The following MAP4K5 variants were observed in gnomAD, a reference collection of about 807,000 sequenced individuals.
MAP4K5 encodes MAPK/ERK kinase kinase kinase 5.
Under a neutral mutation model 135.6 loss-of-function variants are expected in MAP4K5, and 82 were observed. The observed-to-expected ratio is 0.60, with a 90% CI of 0.51 to 0.73. The LOEUF is 0.73. MAP4K5 is among the 30% of genes least tolerant of loss of function. The probability of loss-of-function intolerance (pLI) is 0.00; values close to 1 mark genes in which losing one functional copy is unlikely to be tolerated. For missense variants in MAP4K5, 907 were observed against 1,010.9 expected (o/e 0.90, Z 1.39); for synonymous variants, 347 against 335.0 (o/e 1.04, Z -0.39).
Position 50,420,088 on chromosome 14 carries a change from A to C in MAP4K5, c.2472T>G (p.Ser824Arg). ...GTGCAGTAGGATTTTCTGTTGGCCTACTTTCCAAAACGACAACCCTGTAAT... is the reference window on the plus strand; with the variant it reads ...GTGCAGTAGGATTTTCTGTTGGCCTCCTTTCCAAAACGACAACCCTGTAAT... The part of the protein sequence containing the change: ...LGSDRVVVLE[S>R]RPTENPTAHS... The change falls in exon 33 of 33, where the codon AGT becomes AGG. Residue 824 changes from serine to arginine, a missense_variant. By Grantham distance (110) the Ser-to-Arg change is moderately radical. This residue lies in a region of MAP4K5 where 690 missense variants were observed against 777.4 expected (regional missense o/e 0.89). Transcript: ENST00000682126. 1 of 1,608,920 alleles carries C rather than the reference A, an allele frequency of 6.2e-7. No homozygotes were observed. The highest frequency in any genetic ancestry group is 1.7e-5 in the Admixed American group (1 of 59,394).
At chr14:50,510,507 CA>C (rs1203678032) in intron 2 of MAP4K5, among the ~76,000 whole-genome samples, 1 of 152,146 alleles carries the variant, frequency 6.6e-6, no homozygotes, top group Non-Finnish European at 1.5e-5. Context: ...AGATGCTCTA[CA>C]AATTTGTTGA....
rs142576661 is a variant in MAP4K5, at chr14:50,463,660, G to T, written c.819+392C>A. On this transcript the variant is annotated intron_variant, in intron 12 of 32. Transcript: ENST00000682126. ...GCACTTTGGGAGGCTGAGGCGGGTG[G>T]ATCATTTGAGGTCAGGAGTTCAAGA... is the stretch of plus-strand genomic sequence containing the variant. 2.4e-3 allele frequency among the ~76,000 whole-genome samples: 360 copies of T among 152,066 alleles called. 1 individual carries two copies. The highest frequency in any genetic ancestry group is 7.9e-3 in the African/African-American group (330 of 41,512).
chr14:50,478,026 T>C (rs895025987), intron 6 of MAP4K5, among the ~76,000 whole-genome samples: 2 of 152,168 alleles, frequency 1.3e-5, no homozygotes, highest in African/African-American at 4.8e-5. Context: ...ATATATAGGA[T>C]TGGCATTATT....
At chr14:50,444,750 C>T (rs1418157196) in intron 18 of MAP4K5, among the ~76,000 whole-genome samples, 2 of 151,748 alleles carry the variant, frequency 1.3e-5, no homozygotes, top group Admixed American at 6.6e-5. Context: ...TGCTGTAGAC[C>T]CTGAAGTTCT....
At chr14:50,560,530 C>A in intron 1 of MAP4K5, 2 of 578,400 alleles carry the variant, frequency 3.5e-6, no homozygotes, top group Middle Eastern at 4.6e-4. Flanking sequence ...GCAGGCCGGG[C>A]CTCCAGCTCC....
In MAP4K5 at chr14:50,437,893, C is replaced by T; in HGVS notation, c.1823+1G>A. On this transcript the variant is annotated splice_donor_variant, in intron 25 of 32. Transcript: ENST00000682126. LOFTEE classifies it high-confidence loss of function. ...AGTAGAATCAAAATGATATTTTGTA[C>T]CTTGGTAGTATTCGGTCTGGAAACC... 1 of 1,551,036 alleles carries T rather than the reference C, an allele frequency of 6.4e-7. No homozygotes were observed. The highest frequency in any genetic ancestry group is 1.4e-5 in the African/African-American group (1 of 73,598).
chr14:50,453,462 C>A (rs1318259999), intron 14 of MAP4K5, among the ~76,000 whole-genome samples: 2 of 152,046 alleles, frequency 1.3e-5, no homozygotes, highest in Non-Finnish European at 2.9e-5. Flanking sequence ...CATATAATGA[C>A]CCCCTCTGAG....
At chr14:50,491,398 C>T (rs4901037) in intron 3 of MAP4K5, among the ~76,000 whole-genome samples, 150,207 of 151,124 alleles carry the variant, frequency 0.99, 74,658 homozygotes, top group Middle Eastern at 1. Flanking sequence ...TCTCAGCTCA[C>T]TGCAACCTCT....
Position 50,483,924 on chromosome 14 carries a change from G to T in MAP4K5, c.323-1508C>A, listed in dbSNP as rs2037309299. Among the ~76,000 whole-genome samples, 8 of 151,838 alleles carry T rather than the reference G, an allele frequency of 5.3e-5. No individual in the cohort carries two copies. The South Asian group carries it at 1.7e-3, about 32-fold the overall frequency. On this transcript the variant is annotated intron_variant, in intron 5 of 32. Transcript: ENST00000682126. ...CGCCCAGGCTGGAGTGCACTGGCGT[G>T]ATCTTGGTTCACTGCAACCACCGCC...
At chr14:50,524,086 T>A (rs568284596) in intron 2 of MAP4K5, among the ~76,000 whole-genome samples, 1 of 152,236 alleles carries the variant, frequency 6.6e-6, no homozygotes, top group Non-Finnish European at 1.5e-5. Flanking sequence ...AAATTCTTTG[T>A]CTTGATTTCC....
At chr14:50,467,724 C>G (rs1237726510) in intron 10 of MAP4K5, among the ~76,000 whole-genome samples, 1 of 152,020 alleles carries the variant, frequency 6.6e-6, no homozygotes, top group Non-Finnish European at 1.5e-5. Flanking sequence ...TAACAAATAA[C>G]ATCAAAGTAT....
At chr14:50,421,147 A>C (rs1173853573) in intron 32 of MAP4K5, among the ~76,000 whole-genome samples, 2 of 152,204 alleles carry the variant, frequency 1.3e-5, no homozygotes, top group Non-Finnish European at 2.9e-5. Flanking sequence ...GGAAAATATA[A>C]TTACTTATAA....
chr14:50,432,577 C>CAAAAAAAAAAAAAAAAAAAAAAAA (rs2035997349), intron 28 of MAP4K5, among the ~76,000 whole-genome samples: 1 of 128,478 alleles, frequency 7.8e-6, no homozygotes, highest in African/African-American at 3.5e-5. Context: ...AAAAAAAAAA[C>CAAAAAAAAAAAAAAAAAAAAAAAA]AAAAAAACGC....
intron 1 of MAP4K5, among the ~76,000 whole-genome samples, chr14:50,550,037 T>C (rs1337501293): frequency 1.3e-5 from 2 of 152,190 alleles, no homozygotes; most frequent in Non-Finnish European, 2.9e-5. Context: ...TACATGGACC[T>C]TCAGGTTTTA....
intron 2 of MAP4K5, among the ~76,000 whole-genome samples, chr14:50,530,013 G>C (rs2883948): frequency 0.85 from 129,364 of 152,154 alleles, 56,597 homozygotes; most frequent in Non-Finnish European, 0.94. Flanking sequence ...CAAGTAATTA[G>C]AACAAAGGAA....
intron 1 of MAP4K5, among the ~76,000 whole-genome samples, chr14:50,558,867 A>G (rs2038797990): frequency 6.6e-6 from 1 of 152,234 alleles, no homozygotes; most frequent in African/African-American, 2.4e-5. Flanking sequence ...TCTGTTGAGC[A>G]CAGACTTCTT....
At chr14:50,506,735 T>C (rs1435898189) in intron 2 of MAP4K5, among the ~76,000 whole-genome samples, 2 of 152,164 alleles carry the variant, frequency 1.3e-5, no homozygotes, top group Non-Finnish European at 1.5e-5. Context: ...CTGAATAGGG[T>C]AAGAAGGTGT....
chr14:50,542,533 C>G (rs1007009255), exon 2 of MAP4K5: 1 of 152,144 alleles, frequency 6.6e-6, no homozygotes, highest in Non-Finnish European at 1.5e-5. Flanking sequence ...ACATGGGCAG[C>G]AGAATTCCGT....
intron 3 of MAP4K5, among the ~76,000 whole-genome samples, chr14:50,499,982 G>GA (rs1268138419): frequency 1.3e-5 from 2 of 151,996 alleles, no homozygotes; most frequent in Non-Finnish European, 2.9e-5. Context: ...ATATTCAAGG[G>GA]AAAAAAATGT....
Sources: gnomAD v4.1 joint callset for allele counts (sites outside exome capture counted in the v4.1 genomes callset) on GRCh38, gnomAD v4.1.1 for gene constraint, gnomAD v4.1.1 regional missense constraint, MANE v1.5 for transcripts, NCBI Gene and HGNC (gene_info 2026-07-23, HGNC 2026-07-21) for gene names.